The following NEXMIF variants were observed in gnomAD, a reference collection of about 807,000 sequenced individuals.
NEXMIF encodes XLMR protein related to neurite extension.
Under a neutral mutation model 62.1 loss-of-function variants are expected in NEXMIF, and 8 were observed. The ratio of observed to expected loss-of-function variants is 0.13; its 90% CI spans 0.08 to 0.23. The LOEUF is 0.23. NEXMIF is among the 10% of genes least tolerant of loss of function. The probability of loss-of-function intolerance (pLI) is 1.00; values close to 1 mark genes in which losing one functional copy is unlikely to be tolerated. For synonymous variants in NEXMIF, 404 were observed against 416.6 expected, an observed-to-expected ratio of 0.97 and a Z score of 0.37; for missense variants, 976 against 1,113.3, an observed-to-expected ratio of 0.88 and a Z score of 1.75.
At chrX:74,840,903 G>T (rs1602246609) in intron 1 of NEXMIF, among the ~76,000 whole-genome samples, 1 of 111,810 alleles carries the variant, frequency 8.9e-6, no homozygotes, top group Admixed American at 9.5e-5. Context: ...ATAGTTTGAA[G>T]TCAGATAATG....
At chrX:74,762,502 T>G (rs1179047624) in intron 1 of NEXMIF, among the ~76,000 whole-genome samples, 3 of 111,668 alleles carry the variant, frequency 2.7e-5, no homozygotes, top group Non-Finnish European at 5.6e-5. Flanking sequence ...CTGGGTCAAA[T>G]GGTATTTCTA....
intron 1 of NEXMIF, among the ~76,000 whole-genome samples, chrX:74,820,100 C>T (rs1446697804): frequency 1.8e-5 from 2 of 110,770 alleles, no homozygotes; most frequent in Non-Finnish European, 3.8e-5. Flanking sequence ...GAAAACCAAA[C>T]ACCACATTTT....
intron 1 of NEXMIF, among the ~76,000 whole-genome samples, chrX:74,765,204 T>C (rs2080191206): frequency 8.9e-6 from 1 of 112,028 alleles, no homozygotes; most frequent in South Asian, 3.7e-4. Flanking sequence ...TTTAAAAGTC[T>C]GTGTTGGTTT....
At chrX:74,806,936 G>T (rs946201561) in intron 1 of NEXMIF, among the ~76,000 whole-genome samples, 1 of 112,667 alleles carries the variant, frequency 8.9e-6, no homozygotes, top group African/African-American at 3.2e-5. Context: ...ACAACGTTTT[G>T]ATTACTGTAG....
At chrX:74,762,840 C>G (rs1181824915) in intron 1 of NEXMIF, among the ~76,000 whole-genome samples, 4 of 110,116 alleles carry the variant, frequency 3.6e-5, no homozygotes, top group East Asian at 2.9e-4. Flanking sequence ...AAATTTGTTT[C>G]AGTTCTTTGT....
chrX:74,797,440 C>G (rs1187924515), intron 1 of NEXMIF, among the ~76,000 whole-genome samples: 1 of 111,842 alleles, frequency 8.9e-6, no homozygotes, highest in Non-Finnish European at 1.9e-5. Context: ...ACTCTTTGTA[C>G]TAGCTTTGCA....
At chrX:74,913,544 A>T (rs1402358575) in intron 1 of NEXMIF, among the ~76,000 whole-genome samples, 5 of 111,037 alleles carry the variant, frequency 4.5e-5, no homozygotes, top group Non-Finnish European at 9.4e-5. Context: ...ACCTTCAGAC[A>T]TAAGAAGCTT....
At chrX:74,866,014 A>G (rs1004651163) in intron 1 of NEXMIF, among the ~76,000 whole-genome samples, 4 of 111,466 alleles carry the variant, frequency 3.6e-5, no homozygotes, top group Non-Finnish European at 7.5e-5. Flanking sequence ...GGCACTGCCT[A>G]GTGGAGCTGT....
At chrX:74,860,821 C>A (rs1054996724) in intron 1 of NEXMIF, among the ~76,000 whole-genome samples, 2 of 111,257 alleles carry the variant, frequency 1.8e-5, no homozygotes, top group South Asian at 7.4e-4. Context: ...AATAAACAAC[C>A]TAATGATGCA....
rs187195991 is a variant in NEXMIF at position 74,770,091 on chromosome X, C to T, written c.-47-24394G>A. Among the ~76,000 whole-genome samples the T allele has an allele frequency of 7.1e-5, 8 of 111,958 alleles. No individual in the cohort carries two copies. In the East Asian group the frequency reaches 2.0e-3, roughly 28 times the overall value. ...CTCTTCATTTAGTGTGTGTATCTGT[C>T]CTGACTTGAAATTTGTTTGTATGTT... On this transcript the variant is annotated intron_variant, in intron 1 of 3. Coordinates refer to ENST00000055682, the MANE Select transcript of NEXMIF (RefSeq NM_001008537.3).
At chrX:74,922,389 A>G (rs1260434226) in intron 1 of NEXMIF, among the ~76,000 whole-genome samples, 2 of 111,582 alleles carry the variant, frequency 1.8e-5, no homozygotes, top group African/African-American at 3.3e-5. Context: ...CTGATGCATC[A>G]AAGATTTATT....
intron 1 of NEXMIF, among the ~76,000 whole-genome samples, chrX:74,789,497 G>T (rs1336270869): frequency 9.0e-6 from 1 of 110,600 alleles, no homozygotes; most frequent in Non-Finnish European, 1.9e-5. Context: ...TCCAGTAATG[G>T]GATGGCTGGG....
chrX:74,748,219 G>T (rs1454671408), intron 1 of NEXMIF, among the ~76,000 whole-genome samples: 1 of 111,778 alleles, frequency 8.9e-6, no homozygotes, highest in East Asian at 2.8e-4. Flanking sequence ...TTTGAAAAGG[G>T]AAAACTGAGT....
At chrX:74,915,115 C>T (rs2080802193) in intron 1 of NEXMIF, among the ~76,000 whole-genome samples, 1 of 111,401 alleles carries the variant, frequency 9.0e-6, no homozygotes, top group Non-Finnish European at 1.9e-5. Context: ...AATATTTTAT[C>T]TTGATTGTGA....
intron 1 of NEXMIF, among the ~76,000 whole-genome samples, chrX:74,905,913 T>C (rs995859279): frequency 1.8e-5 from 2 of 112,116 alleles, no homozygotes; most frequent in African/African-American, 6.5e-5. Context: ...TTTCAATATT[T>C]GTGAAATTTT....
chrX:74,889,368 T>C (rs1446622107), intron 1 of NEXMIF, among the ~76,000 whole-genome samples: 1 of 111,946 alleles, frequency 8.9e-6, no homozygotes, highest in East Asian at 2.8e-4. Context: ...GAAAGGCAAA[T>C]TATAATGAAA....
chrX:74,792,461 G>C (rs1343462609), intron 1 of NEXMIF, among the ~76,000 whole-genome samples: 1 of 106,987 alleles, frequency 9.3e-6, no homozygotes, highest in East Asian at 3.0e-4. Flanking sequence ...GTTGATTTGG[G>C]GTGGAGAGTT....
chrX:74,837,591 C>T (rs1156949267), intron 1 of NEXMIF, among the ~76,000 whole-genome samples: 1 of 112,355 alleles, frequency 8.9e-6, no homozygotes, highest in Non-Finnish European at 1.9e-5. Context: ...ATAAGAATCT[C>T]TTCACTATCT....
chrX:74,884,765 G>T (rs1240076228), intron 1 of NEXMIF, among the ~76,000 whole-genome samples: 5 of 111,333 alleles, frequency 4.5e-5, no homozygotes, highest in African/African-American at 6.5e-5. Context: ...AGGATATCCA[G>T]GAATTGAACT....
Sources: allele counts gnomAD v4.1 joint callset (sites outside exome capture counted in the v4.1 genomes callset), GRCh38; gene constraint gnomAD v4.1.1; transcripts MANE v1.5; gene names NCBI Gene and HGNC (gene_info 2026-07-23, HGNC 2026-07-21).